PDLIM4: variants seen among roughly 807,000 people sequenced by gnomAD.
The protein encoded by PDLIM4 is PDZ and LIM domain protein 4.
PDLIM4 carries 19 observed loss-of-function variants against 31.3 expected under a neutral mutation model. The ratio of observed to expected loss-of-function variants is 0.61; its 90% CI spans 0.42 to 0.89. The LOEUF is 0.89. Among genes scored for constraint, PDLIM4 ranks in the 40% least tolerant of loss-of-function variants. The probability of loss-of-function intolerance (pLI) is 0.00; values close to 1 mark genes in which losing one functional copy is unlikely to be tolerated. For missense variants in PDLIM4, 442 were observed against 461.1 expected (o/e 0.96, Z 0.38); for synonymous variants, 176 against 190.1 (o/e 0.93, Z 0.61).
Position 132,271,824 on chromosome 5 carries a change from T to C in PDLIM4, c.704T>C (p.Leu235Pro). The change falls in exon 6 of 7, where the codon CTC (leucine) becomes CCC (proline). Residue 235 changes from leucine (L) to proline (P), a missense_variant. By Grantham distance (98) the Leu-to-Pro change is moderately conservative. Coordinates refer to ENST00000253754, the MANE Select transcript of PDLIM4 (RefSeq NM_003687.4). ...DWPGPGGPRN[L>P]KPTASKLGAP... is the part of the protein sequence containing the mutation. ...CCCGGGCCTGGCGGCCCCCGGAACC[T>C]CAAGCCCACGGCCAGCAAGCTGGGC... The C allele has an allele frequency of 6.2e-7, 1 of 1,612,868 alleles. No homozygotes were observed. Among genetic ancestry groups the C allele is most frequent in the Non-Finnish European group, 8.5e-7 (1 of 1,179,560 alleles).
chr5:132,264,112 G>A (rs1473921482), intron 2 of PDLIM4, among the ~76,000 whole-genome samples: 5 of 152,218 alleles, frequency 3.3e-5, no homozygotes, highest in African/African-American at 7.2e-5. Context: ...GCTGAACAAG[G>A]GCAGCCCTAG....
chr5:132,259,380 G>A (rs2126669588), intron 1 of PDLIM4, among the ~76,000 whole-genome samples: 1 of 152,266 alleles, frequency 6.6e-6, no homozygotes, highest in Non-Finnish European at 1.5e-5. Context: ...CGTCACAGCT[G>A]CGGCTGCGGC....
At chr5:132,268,561 C>G (rs1756540295) in intron 3 of PDLIM4, among the ~76,000 whole-genome samples, 1 of 152,208 alleles carries the variant, frequency 6.6e-6, no homozygotes, top group Admixed American at 6.5e-5. Context: ...GGCACTTGGC[C>G]TAGCCCAGGG....
intron 3 of PDLIM4, among the ~76,000 whole-genome samples, chr5:132,270,175 CA>C (rs1382866067): frequency 6.6e-6 from 1 of 152,212 alleles, no homozygotes; most frequent in Non-Finnish European, 1.5e-5. Context: ...GGGGCAGGTT[CA>C]GGACACTCCC....
intron 5 of PDLIM4, 113 bp downstream of exon 5, chr5:132,271,579 C>T (rs756821569): frequency 6.8e-6 from 8 of 1,182,028 alleles, no homozygotes; most frequent in Admixed American, 5.6e-5. Context: ...TCGGTCTCTG[C>T]GGCCCGGTCC....
chr5:132,259,337 C>CGG (rs1756323285), intron 1 of PDLIM4, among the ~76,000 whole-genome samples: 2 of 152,056 alleles, frequency 1.3e-5, no homozygotes. Context: ...GTTGCCCACG[C>CGG]GGCTGCCTGC....
intron 3 of PDLIM4, among the ~76,000 whole-genome samples, chr5:132,267,356 G>A (rs890525645): frequency 3.9e-5 from 6 of 152,228 alleles, no homozygotes; most frequent in African/African-American, 1.4e-4. Flanking sequence ...AGGGAAGGAT[G>A]TGCCCCAGCT....
rs114059527 is a variant in PDLIM4 at position 132,267,411 on chromosome 5, C to A, written c.327+866C>A. 3.3e-5 allele frequency among the ~76,000 whole-genome samples: 5 copies of A among 152,232 alleles called. No homozygotes were observed. In the South Asian group the frequency reaches 8.3e-4, roughly 25 times the overall value. On this transcript the variant is annotated intron_variant, in intron 3 of 6. Coordinates refer to ENST00000253754, the MANE Select transcript of PDLIM4 (RefSeq NM_003687.4). Reference sequence around the variant, plus strand: ...CAATCCCATCTTGCTCTATTCCCTACCCTGCCTGGCTGGCATCCCTGGAGC... The same window carrying A: ...CAATCCCATCTTGCTCTATTCCCTAACCTGCCTGGCTGGCATCCCTGGAGC...
chr5:132,262,377 G>T (rs931816707), intron 1 of PDLIM4, among the ~76,000 whole-genome samples: 2 of 152,200 alleles, frequency 1.3e-5, no homozygotes, highest in African/African-American at 2.4e-5. Context: ...AGCCCTTCTC[G>T]TATATCCTCA....
intron 2 of PDLIM4, among the ~76,000 whole-genome samples, chr5:132,266,210 C>G (rs1241172578): frequency 6.6e-6 from 1 of 152,210 alleles, no homozygotes; most frequent in Non-Finnish European, 1.5e-5. Context: ...CTCCTGCAGC[C>G]TCTCCAGGAA....
intron 1 of PDLIM4, among the ~76,000 whole-genome samples, chr5:132,258,519 A>G (rs77486529): frequency 0.073 from 11,037 of 152,176 alleles, 515 homozygotes; most frequent in South Asian, 0.13. Flanking sequence ...GCCCACAGAG[A>G]AGGAAAAGGA....
At chr5:132,261,721 C>T (rs1008741900) in intron 1 of PDLIM4, among the ~76,000 whole-genome samples, 6 of 152,098 alleles carry the variant, frequency 3.9e-5, no homozygotes, top group Non-Finnish European at 7.4e-5. Flanking sequence ...TGCTTGACCC[C>T]GAGGGGTCAA....
chr5:132,269,147 G>A (rs568058761), intron 3 of PDLIM4, among the ~76,000 whole-genome samples: 2 of 152,252 alleles, frequency 1.3e-5, no homozygotes, highest in East Asian at 3.9e-4. Flanking sequence ...CTAAAACTGA[G>A]GTAGCCATGT....
chr5:132,259,353 G>A (rs1402250943), intron 1 of PDLIM4, among the ~76,000 whole-genome samples: 1 of 152,128 alleles, frequency 6.6e-6, no homozygotes, highest in Non-Finnish European at 1.5e-5. Flanking sequence ...CCTGCCCTCC[G>A]AGGAAAGGCC....
chr5:132,269,874 A>G (rs971113208), intron 3 of PDLIM4, among the ~76,000 whole-genome samples: 2 of 152,188 alleles, frequency 1.3e-5, no homozygotes, highest in African/African-American at 2.4e-5. Flanking sequence ...GGAGGCCACT[A>G]TGGCCATTCC....
At chr5:132,260,572 C>G (rs1023191455) in intron 1 of PDLIM4, among the ~76,000 whole-genome samples, 6 of 152,334 alleles carry the variant, frequency 3.9e-5, no homozygotes, top group African/African-American at 1.4e-4. Flanking sequence ...GGTCCTTCTG[C>G]CTGGAACACT....
chr5:132,272,105 A>T lies in PDLIM4; in HGVS notation c.869A>T (p.Gln290Leu). ...AGTGACTGCGGCCTGAACCTCAAGC[A>T]GCGTGGTTACTTCTTTCTGGACGAG... ...MCSDCGLNLK[Q>L]RGYFFLDERL... The change falls in exon 7 of 7, where the codon CAG becomes CTG. Residue 290 changes from glutamine (Q) to leucine (L), a missense_variant. Physicochemically the swap from Gln to Leu is moderately radical, Grantham distance 113 (BLOSUM62 -2). Transcript: ENST00000253754. 1 of 1,614,228 alleles carries T rather than the reference A, an allele frequency of 6.2e-7. No homozygotes were observed. Among genetic ancestry groups the T allele is most frequent in the Non-Finnish European group, 8.5e-7 (1 of 1,180,030 alleles).
intron 3 of PDLIM4, among the ~76,000 whole-genome samples, chr5:132,269,291 C>T (rs528850461): frequency 6.6e-6 from 1 of 151,808 alleles, no homozygotes; most frequent in Non-Finnish European, 1.5e-5. Context: ...TCCTTCCTCC[C>T]AGTCCCAGTC....
intron 1 of PDLIM4, among the ~76,000 whole-genome samples, chr5:132,260,013 A>T (rs190881733): frequency 1.3e-5 from 2 of 152,202 alleles, no homozygotes; most frequent in South Asian, 4.1e-4. Context: ...AGTCCTTACA[A>T]CAGCCTTTAG....
Sources: allele counts gnomAD v4.1 joint callset (sites outside exome capture counted in the v4.1 genomes callset), GRCh38; gene constraint gnomAD v4.1.1; transcripts MANE v1.5; gene names NCBI Gene and HGNC (gene_info 2026-07-23, HGNC 2026-07-21).